Variants in ERICH1 observed in about 807,000 individuals in gnomAD.
ERICH1 encodes the protein glutamate rich 1.
Under a neutral mutation model 39.6 loss-of-function variants are expected in ERICH1, and 56 were observed. The ratio of observed to expected loss-of-function variants is 1.41; its 90% confidence interval spans 1.14 to 1.77. The LOEUF is 1.77. Among genes scored for constraint, ERICH1 ranks in the 40% most tolerant of loss-of-function variants. ERICH1 has a pLI of 0.00. For missense variants in ERICH1, 826 were observed against 575.4 expected, an observed-to-expected ratio of 1.44 and a Z score of -4.45; for synonymous variants, 313 against 223.6, an observed-to-expected ratio of 1.40 and a Z score of -3.57.
chr8:652,369 C>T (rs770738362), intron 3 of ERICH1, among the ~76,000 whole-genome samples: 4 of 152,314 alleles, frequency 2.6e-5, no homozygotes, highest in East Asian at 3.9e-4. Flanking sequence ...AACACAGGCT[C>T]GCAACCAAAT....
At chr8:685,513 A>G (rs1418741371) in intron 3 of ERICH1, among the ~76,000 whole-genome samples, 3 of 152,254 alleles carry the variant, frequency 2.0e-5, no homozygotes, top group African/African-American at 4.8e-5. Flanking sequence ...ATAGGAAATT[A>G]TAAGAGTATT....
rs570758564 is a variant in ERICH1 at position 705,637 on chromosome 8, G to A, written c.169+10224C>T. ...GAATGAGACCAGGATTCCCACTCAC[G>A]GCACTTTTTGTCAACATCGTATTAG... On this transcript the variant is annotated intron_variant, in intron 2 of 5. Coordinates refer to ENST00000262109, the MANE Select transcript of ERICH1 (RefSeq NM_207332.3). Among the ~76,000 whole-genome samples, 18 of 151,556 alleles carry A rather than the reference G, an allele frequency of 1.2e-4. No homozygotes were observed. The East Asian group carries it at 2.5e-3, about 21-fold the overall frequency.
Position 716,881 on chromosome 8 carries a change from C to T in ERICH1, c.23-874G>A, listed in dbSNP as rs559441876. On this transcript the variant is annotated intron_variant, in intron 1 of 5. Coordinates refer to ENST00000262109, the MANE Select transcript of ERICH1 (RefSeq NM_207332.3). ...AGGCAGGGAGGCTCCACGGCCCTAC[C>T]TGGGAACACTGTAGCTGAAGGCACA... Among the ~76,000 whole-genome samples the T allele has an allele frequency of 2.6e-5, 4 of 152,298 alleles. No individual in the cohort carries two copies. The East Asian group carries it at 7.7e-4, about 29-fold the overall frequency.
intron 3 of ERICH1, among the ~76,000 whole-genome samples, chr8:682,081 A>ATTC (rs749811721): frequency 6.6e-6 from 1 of 151,920 alleles, no homozygotes; most frequent in African/African-American, 2.4e-5. Flanking sequence ...CATGATGAGT[A>ATTC]GGTCTTGAGC....
At chr8:694,533 G>A (rs925734382) in intron 2 of ERICH1, among the ~76,000 whole-genome samples, 6 of 152,152 alleles carry the variant, frequency 3.9e-5, no homozygotes, top group African/African-American at 1.2e-4. Flanking sequence ...GGTCCAAAAC[G>A]CACCGCGCCA....
chr8:623,179 A>G (rs1269651528), intron 3 of ERICH1, among the ~76,000 whole-genome samples: 1 of 152,154 alleles, frequency 6.6e-6, no homozygotes, highest in African/African-American at 2.4e-5. Context: ...ACTTAAAACA[A>G]TGCATAAATG....
chr8:720,737 G>T (rs1033502046), intron 1 of ERICH1, among the ~76,000 whole-genome samples: 1 of 152,168 alleles, frequency 6.6e-6, no homozygotes, highest in Non-Finnish European at 1.5e-5. Context: ...AGCTAAACTG[G>T]TTTAAGTATC....
rs374280345 is a variant in ERICH1 at position 632,109 on chromosome 8, C to A, written c.977-16825G>T. Among the ~76,000 whole-genome samples, 7 of 152,258 alleles carry A rather than the reference C, an allele frequency of 4.6e-5. No homozygotes were observed. The East Asian group carries it at 1.3e-3, about 29-fold the overall frequency. On this transcript the variant is annotated intron_variant, in intron 3 of 3. Transcript: ENST00000522706. ...GGCAGGGCTGCGAGTCCCACTGAAA[C>A]CTTTGTGCTCAGGAGAGGAAAACTT...
intron 3 of ERICH1, among the ~76,000 whole-genome samples, chr8:678,804 T>C (rs1208236183): frequency 6.6e-6 from 1 of 152,096 alleles, no homozygotes; most frequent in Non-Finnish European, 1.5e-5. Context: ...CGAGACTCCA[T>C]CTCAAAAGAA....
intron 5 of ERICH1, chr8:668,342 G>A (rs1802601100): frequency 1.9e-6 from 1 of 528,604 alleles, no homozygotes; most frequent in Admixed American, 3.5e-5. Context: ...AGGAAAATTT[G>A]GCTCCAAGAG....
Position 668,727 on chromosome 8 carries a change from C to T in ERICH1, c.1129G>A (p.Ala377Thr), listed in dbSNP as rs762788275. 24 of 1,613,764 alleles carry T rather than the reference C, an allele frequency of 1.5e-5. No individual in the cohort carries two copies. The highest frequency in any genetic ancestry group is 9.3e-5 in the African/African-American group (7 of 74,934). The change falls in exon 5 of 6, where the codon GCG becomes ACG. Residue 377 changes from alanine (A) to threonine (T), a missense_variant. By Grantham distance (58) the Ala-to-Thr change is moderately conservative. Transcript: ENST00000262109. The stretch of plus-strand genomic sequence containing the variant: ...TCTGAGGGCAGCATGCTGTGTGACG[C>T]AAGGCGGTCCAGCAGCTCCTCAGCG... ...DAAEELLDRLASHSMLPSDVS... is the reference protein window; with the variant it reads ...DAAEELLDRLTSHSMLPSDVS...
At chr8:655,703 C>G (rs1326610594) in intron 3 of ERICH1, among the ~76,000 whole-genome samples, 1 of 149,066 alleles carries the variant, frequency 6.7e-6, no homozygotes, top group Non-Finnish European at 1.5e-5. Flanking sequence ...TTCCTTCCTT[C>G]CTTCTTTCCT....
Position 634,178 on chromosome 8 carries a change from A to AC in ERICH1, c.977-18895_977-18894insG, listed in dbSNP as rs1563171261. 8.0e-4 allele frequency among the ~76,000 whole-genome samples: 113 copies of AC among 140,582 alleles called. 1 individual carries two copies. The highest frequency in any genetic ancestry group is 2.8e-3 in the African/African-American group (103 of 36,774). 92.2% of individuals were successfully genotyped at this position (140,582 alleles called of 152,430 possible). A position where few individuals can be genotyped will look rare whatever the true frequency, so the allele number is the denominator to read the frequency against. ...AGAACTCCTAAAACTCAAAAAAAAAAAAAAAAAACAAACAAAAAAAACCCT... is the reference window on the plus strand; with the variant it reads ...AGAACTCCTAAAACTCAAAAAAAAAACAAAAAAAACAAACAAAAAAAACCCT... On this transcript the variant is annotated intron_variant, in intron 3 of 3. Coordinates refer to the ERICH1 transcript ENST00000522706.
intron 3 of ERICH1, chr8:637,528 G>T (rs113233152): frequency 6.6e-6 from 1 of 152,328 alleles, no homozygotes; most frequent in African/African-American, 2.4e-5. Context: ...TGTTGTGGCT[G>T]TTTCTCCCGT....
intron 1 of ERICH1, among the ~76,000 whole-genome samples, chr8:719,224 T>G (rs1816740088): frequency 6.6e-6 from 1 of 152,190 alleles, no homozygotes; most frequent in Non-Finnish European, 1.5e-5. Context: ...CAGCCCTGGC[T>G]GTTTGAGCCG....
intron 3 of ERICH1, among the ~76,000 whole-genome samples, chr8:623,289 C>G (rs1797400633): frequency 6.6e-6 from 1 of 152,054 alleles, no homozygotes; most frequent in African/African-American, 2.4e-5. Context: ...GTACAAAAAC[C>G]ATGTGGCTTC....
At chr8:719,159 G>C (rs1816723055) in intron 1 of ERICH1, among the ~76,000 whole-genome samples, 1 of 152,148 alleles carries the variant, frequency 6.6e-6, no homozygotes, top group South Asian at 2.1e-4. Flanking sequence ...CCCCAGGCCT[G>C]GCGAGGCTCA....
chr8:708,118 TA>T lies in ERICH1; in HGVS notation c.169+7742del, dbSNP rs35710228. On this transcript the variant is annotated intron_variant, in intron 2 of 5. Transcript: ENST00000262109. ...CACACCTCCTAGGGTGGCTATTATC[TA>T]AAAAAAAAAATAGAAAATAAGTGTT... Among the ~76,000 whole-genome samples the T allele has an allele frequency of 1.9e-3, 277 of 148,364 alleles. 1 individual carries two copies. Among genetic ancestry groups the T allele is most frequent in the African/African-American group, 6.0e-3 (244 of 40,506 alleles).
At chr8:692,368 C>T in intron 3 of ERICH1, 110 bp downstream of exon 3, 9 of 1,483,282 alleles carry the variant, frequency 6.1e-6, no homozygotes, top group Non-Finnish European at 8.2e-6. Context: ...ACAACATGCT[C>T]ACCCACCCCC....
Sources: allele counts gnomAD v4.1 joint callset (sites outside exome capture counted in the v4.1 genomes callset), GRCh38; gene constraint gnomAD v4.1.1; transcripts MANE v1.5; gene names NCBI Gene and HGNC (gene_info 2026-07-23, HGNC 2026-07-21).